MAGI1: variants seen among roughly 807,000 people sequenced by gnomAD.
The protein encoded by MAGI1 is membrane associated guanylate kinase, WW and PDZ domain containing 1.
Under a neutral mutation model 139.9 loss-of-function variants are expected in MAGI1, and 58 were observed. The ratio of observed to expected loss-of-function variants is 0.41; its 90% CI spans 0.34 to 0.52. The LOEUF (loss-of-function observed/expected upper bound fraction) is 0.52. MAGI1 is among the 20% of genes least tolerant of loss of function. The probability of loss-of-function intolerance (pLI) is 0.12; values close to 1 mark genes in which losing one functional copy is unlikely to be tolerated. For synonymous variants in MAGI1, 812 were observed against 737.9 expected (o/e 1.10, Z -1.63); for missense variants, 1,874 against 1,901.6 (o/e 0.99, Z 0.27).
chr3:65,763,540 T>C (rs1173503395), intron 1 of MAGI1, among the ~76,000 whole-genome samples: 2 of 152,100 alleles, frequency 1.3e-5, no homozygotes, highest in Non-Finnish European at 2.9e-5. Flanking sequence ...GTAACTCATT[T>C]AATCCTCAAA....
At chr3:65,995,355 G>A (rs1161392472) in intron 1 of MAGI1, among the ~76,000 whole-genome samples, 1 of 152,180 alleles carries the variant, frequency 6.6e-6, no homozygotes, top group Non-Finnish European at 1.5e-5. Context: ...ATTAGTAGGT[G>A]AGTGGCTCAC....
intron 1 of MAGI1, among the ~76,000 whole-genome samples, chr3:65,864,384 AC>A (rs1227007220): frequency 6.6e-6 from 1 of 152,132 alleles, no homozygotes; most frequent in Non-Finnish European, 1.5e-5. Flanking sequence ...TTAATTTCCT[AC>A]TAAGTGATGG....
intron 14 of MAGI1, among the ~76,000 whole-genome samples, chr3:65,390,479 T>C (rs902501218): frequency 6.6e-6 from 1 of 152,170 alleles, no homozygotes; most frequent in Non-Finnish European, 1.5e-5. Flanking sequence ...ATATTATTTA[T>C]GGTGAATAGT....
intron 1 of MAGI1, among the ~76,000 whole-genome samples, chr3:65,861,632 A>C (rs779530385): frequency 9.9e-5 from 15 of 152,162 alleles, no homozygotes; most frequent in Admixed American, 5.2e-4. Flanking sequence ...TCTCTGTCCA[A>C]GGAGGCAATG....
intron 2 of MAGI1, among the ~76,000 whole-genome samples, chr3:65,599,884 T>A (rs964789040): frequency 6.6e-6 from 1 of 152,210 alleles, no homozygotes; most frequent in Non-Finnish European, 1.5e-5. Context: ...GCTGGCTTCA[T>A]TCTTGATTCA....
At chr3:66,012,554 C>G (rs570394095) in intron 1 of MAGI1, among the ~76,000 whole-genome samples, 1 of 152,032 alleles carries the variant, frequency 6.6e-6, no homozygotes, top group African/African-American at 2.4e-5. Context: ...TCACTTGAGA[C>G]CAGGAGTTTG....
chr3:65,705,908 G>A (rs1024298624), intron 1 of MAGI1, among the ~76,000 whole-genome samples: 1 of 152,140 alleles, frequency 6.6e-6, no homozygotes, highest in Admixed American at 6.6e-5. Flanking sequence ...AAATTCTTAT[G>A]GTGAAGATAT....
At chr3:65,519,433 T>G (rs2078052713) in intron 2 of MAGI1, among the ~76,000 whole-genome samples, 1 of 151,910 alleles carries the variant, frequency 6.6e-6, no homozygotes, top group South Asian at 2.1e-4. Context: ...TTGCCCAGGC[T>G]AGAGTGCAGT....
At chr3:65,505,808 T>G (rs1447022655) in intron 2 of MAGI1, among the ~76,000 whole-genome samples, 2 of 151,996 alleles carry the variant, frequency 1.3e-5, no homozygotes, top group African/African-American at 4.8e-5. Context: ...TGAATATTAT[T>G]ATGTATAAAT....
At chr3:65,379,624 T>A in intron 16 of MAGI1, 70 bp from the exon 17 acceptor site, 1 of 1,542,078 alleles carries the variant, frequency 6.5e-7, no homozygotes, top group Non-Finnish European at 8.8e-7. Flanking sequence ...CCCTCCCTCC[T>A]TCCAGCAACT....
intron 2 of MAGI1, among the ~76,000 whole-genome samples, chr3:65,567,486 T>A (rs566354871): frequency 6.6e-6 from 1 of 152,160 alleles, no homozygotes; most frequent in Admixed American, 6.5e-5. Context: ...AAAGCATTGA[T>A]GGAAAGCCCT....
chr3:66,001,154 G>A (rs2107443184), intron 1 of MAGI1, among the ~76,000 whole-genome samples: 1 of 152,204 alleles, frequency 6.6e-6, no homozygotes, highest in Middle Eastern at 3.4e-3. Flanking sequence ...AAGTATTTGG[G>A]GGTGGAGGAT....
intron 6 of MAGI1, chr3:65,452,519 A>G (rs958602665): frequency 6.6e-6 from 1 of 152,056 alleles, no homozygotes; most frequent in Non-Finnish European, 1.5e-5. Flanking sequence ...TCAAAAAATA[A>G]TTTTGGTAGA....
chr3:65,816,200 G>A (rs150288384), intron 1 of MAGI1, among the ~76,000 whole-genome samples: 5,423 of 152,020 alleles, frequency 0.036, 128 homozygotes, highest in Middle Eastern at 0.051. Flanking sequence ...CCATCTAGAA[G>A]GATTTGGAGT....
At chr3:65,478,866 C>T in intron 3 of MAGI1, 68 bp from the exon 4 acceptor site, 2 of 1,188,502 alleles carry the variant, frequency 1.7e-6, no homozygotes, top group South Asian at 1.3e-5. Flanking sequence ...TAAGACTTCA[C>T]ATCCAAATCT....
chr3:65,941,267 A>C (rs990820719), intron 1 of MAGI1, among the ~76,000 whole-genome samples: 1 of 151,994 alleles, frequency 6.6e-6, no homozygotes, highest in Non-Finnish European at 1.5e-5. Flanking sequence ...GAATAGCTTG[A>C]ACCCAGGAGG....
Position 65,565,520 on chromosome 3 carries a change from A to G in MAGI1, c.430+56452T>C, listed in dbSNP as rs1017053003. Among the ~76,000 whole-genome samples, 4 of 152,178 alleles carry G rather than the reference A, an allele frequency of 2.6e-5. No individual in the cohort carries two copies. In the East Asian group the frequency reaches 7.7e-4, roughly 29 times the overall value. ...TTCTCAGATCCTCAACTTCTCCAGTATGACAGTGTGGCTCAGTTTGGACAA... is the reference window on the plus strand; with the variant it reads ...TTCTCAGATCCTCAACTTCTCCAGTGTGACAGTGTGGCTCAGTTTGGACAA... On this transcript the variant is annotated intron_variant, in intron 2 of 22. Transcript: ENST00000402939.
At position 66,004,350 on chromosome 3, in the gene MAGI1, T is replaced by C. The variant is rs564915061; in HGVS notation, c.313+33646A>G. On this transcript the variant is annotated intron_variant, in intron 1 of 22. Coordinates refer to ENST00000402939, the MANE Select transcript of MAGI1 (RefSeq NM_001033057.2). ...ATATCCGGAGGCATCTTCACTCGCA[T>C]GTCTAGAGGTTGACACTGGCTGTCG... 2.6e-5 allele frequency among the ~76,000 whole-genome samples: 4 copies of C among 152,286 alleles called. No homozygotes were observed. The South Asian group carries it at 8.3e-4, about 32-fold the overall frequency.
At chr3:65,531,198 A>G (rs1157729614) in intron 2 of MAGI1, among the ~76,000 whole-genome samples, 2 of 152,030 alleles carry the variant, frequency 1.3e-5, no homozygotes, top group African/African-American at 4.8e-5. Context: ...AAATGCTCCA[A>G]TCCAGACCTA....
Sources: gnomAD v4.1 joint callset for allele counts (sites outside exome capture counted in the v4.1 genomes callset) on GRCh38, gnomAD v4.1.1 for gene constraint, MANE v1.5 for transcripts, NCBI Gene and HGNC (gene_info 2026-07-23, HGNC 2026-07-21) for gene names.